The following PDE4D variants were observed in gnomAD, a reference collection of about 807,000 sequenced individuals.
The protein encoded by PDE4D is phosphodiesterase 4D.
PDE4D carries 24 observed loss-of-function variants against 87.4 expected under a neutral mutation model. The ratio of observed to expected loss-of-function variants is 0.27; its 90% CI spans 0.20 to 0.39. The LOEUF is 0.39. Among genes scored for constraint, PDE4D ranks in the 10% least tolerant of loss-of-function variants. The pLI is 1.00. For missense variants in PDE4D, 714 were observed against 1,041.0 expected, an observed-to-expected ratio of 0.69 and a Z score of 4.32; for synonymous variants, 384 against 383.2, an observed-to-expected ratio of 1.00 and a Z score of -0.02.
upstream of PDE4D, chr5:60,488,331 C>G (rs1018279282): frequency 2.0e-5 from 3 of 152,050 alleles, no homozygotes; most frequent in Non-Finnish European, 4.4e-5. Context: ...GGAGCAAGGT[C>G]TCTTCCCGGC....
chr5:60,319,075 A>G (rs1755934293), intron 1 of PDE4D, among the ~76,000 whole-genome samples: 1 of 152,166 alleles, frequency 6.6e-6, no homozygotes, highest in Admixed American at 6.5e-5. Flanking sequence ...TACCCTGCAG[A>G]GTGTTTTCCA....
intron 1 of PDE4D, among the ~76,000 whole-genome samples, chr5:59,788,867 GA>G (rs1765466924): frequency 6.6e-6 from 1 of 152,186 alleles, no homozygotes; most frequent in African/African-American, 2.4e-5. Context: ...GGAAAAATTA[GA>G]AAGTTCACTT....
intron 1 of PDE4D, chr5:59,314,150 C>T (rs2153567545): frequency 6.6e-6 from 1 of 152,242 alleles, no homozygotes; most frequent in Non-Finnish European, 1.5e-5. Context: ...GCCTACACCC[C>T]TCCAGGCTAT....
intron 1 of PDE4D, chr5:60,429,840 T>G (rs11950621): frequency 0.13 from 45,249 of 344,134 alleles, 3,411 homozygotes; most frequent in Middle Eastern, 0.16. Flanking sequence ...ATTAGTTTTT[T>G]TTTTTTTGTT....
At chr5:59,915,453 T>A (rs919658049) in intron 3 of PDE4D, among the ~76,000 whole-genome samples, 1 of 152,336 alleles carries the variant, frequency 6.6e-6, no homozygotes, top group East Asian at 1.9e-4. Flanking sequence ...CAACAACTTG[T>A]TGTGGCTACA....
At chr5:60,198,467 T>A (rs934844309) in intron 1 of PDE4D, among the ~76,000 whole-genome samples, 2 of 151,664 alleles carry the variant, frequency 1.3e-5, no homozygotes, top group African/African-American at 4.8e-5. Context: ...TTTCTAATTT[T>A]ATGGCCATGA....
intron 3 of PDE4D, among the ~76,000 whole-genome samples, chr5:59,939,817 A>G (rs1756994390): frequency 6.6e-6 from 1 of 152,152 alleles, no homozygotes; most frequent in Non-Finnish European, 1.5e-5. Context: ...TCCTAAGAGA[A>G]AATGGAATGG....
intron 1 of PDE4D, among the ~76,000 whole-genome samples, chr5:60,480,014 C>G (rs1284465556): frequency 1.3e-5 from 2 of 152,128 alleles, no homozygotes; most frequent in East Asian, 3.9e-4. Flanking sequence ...AAGTCCAAAC[C>G]CTTAGAACAT....
intron 1 of PDE4D, chr5:59,768,672 A>T: frequency 1.3e-6 from 2 of 1,482,842 alleles, no homozygotes; most frequent in Non-Finnish European, 1.8e-6. Flanking sequence ...GGTGCAGAGG[A>T]GGCGAGCGCA....
chr5:59,224,710 C>G (rs153982), intron 1 of PDE4D, among the ~76,000 whole-genome samples: 1 of 151,992 alleles, frequency 6.6e-6, no homozygotes, highest in African/African-American at 2.4e-5. Context: ...ATATGTTAAA[C>G]GAGGCCATAT....
chr5:60,340,792 A>G (rs1223605329), intron 1 of PDE4D, among the ~76,000 whole-genome samples: 3 of 152,162 alleles, frequency 2.0e-5, no homozygotes, highest in Admixed American at 6.5e-5. Context: ...ATAAAGACAA[A>G]TAATAATAAT....
intron 1 of PDE4D, among the ~76,000 whole-genome samples, chr5:59,377,160 G>A (rs1784864270): frequency 6.6e-6 from 1 of 152,134 alleles, no homozygotes; most frequent in Admixed American, 6.5e-5. Context: ...GCTCACACCT[G>A]TAATCCCAGC....
intron 1 of PDE4D, among the ~76,000 whole-genome samples, chr5:60,371,776 A>G (rs138776064): frequency 1.6e-3 from 250 of 152,300 alleles, no homozygotes; most frequent in Admixed American, 8.0e-3. Context: ...ACTCTTTTGT[A>G]TCTGGATGCT....
At chr5:59,174,590 G>A (rs1042634586) in intron 5 of PDE4D, 1 of 152,506 alleles carries the variant, frequency 6.6e-6, no homozygotes, top group Admixed American at 6.5e-5. Context: ...TATAACTACA[G>A]AGATATGTCC....
chr5:60,421,998 A>G (rs1030425971), intron 1 of PDE4D, among the ~76,000 whole-genome samples: 29 of 152,342 alleles, frequency 1.9e-4, no homozygotes, highest in African/African-American at 7.0e-4. Context: ...TAGAGAAAAA[A>G]GAGTAAAAAG....
intron 1 of PDE4D, among the ~76,000 whole-genome samples, chr5:59,847,152 C>T (rs1376817098): frequency 1.3e-5 from 2 of 151,970 alleles, no homozygotes; most frequent in Non-Finnish European, 2.9e-5. Flanking sequence ...TTTCATACAA[C>T]TCGGCGCTGT....
At chr5:59,221,342 T>C in intron 1 of PDE4D, among the ~76,000 whole-genome samples, 1 of 152,132 alleles carries the variant, frequency 6.6e-6, no homozygotes, top group East Asian at 1.9e-4. Flanking sequence ...GACTAAATTT[T>C]CGTATGGGGC....
chr5:59,398,472 A>G (rs201108834), intron 1 of PDE4D, among the ~76,000 whole-genome samples: 29,530 of 105,096 alleles, frequency 0.28, 4,722 homozygotes, highest in East Asian at 0.34. Flanking sequence ...AGAGCCAAAG[A>G]CAAAAACCAC....
Position 60,228,692 on chromosome 5 carries a change from G to T in PDE4D, c.-89-43005C>A, listed in dbSNP as rs77371742. 7.8e-3 allele frequency among the ~76,000 whole-genome samples: 1,179 copies of T among 152,006 alleles called. 29 individuals are homozygous for T. In the East Asian group the frequency reaches 0.09, roughly 12 times the overall value. On this transcript the variant is annotated intron_variant, in intron 1 of 16. Coordinates refer to the PDE4D transcript ENST00000502484. ...TTTGTATTTTTGGGTACCCTGAGCT[G>T]CTGTGTAAGAAGCTAAACTACCAAA... is the stretch of plus-strand genomic sequence containing the variant.
Sources: allele counts gnomAD v4.1 joint callset (sites outside exome capture counted in the v4.1 genomes callset), GRCh38; gene constraint gnomAD v4.1.1; transcripts MANE v1.5; gene names NCBI Gene and HGNC (gene_info 2026-07-23, HGNC 2026-07-21).